NRG3: variants seen among roughly 807,000 people sequenced by gnomAD.
NRG3 encodes neuregulin 3.
A neutral mutation model predicts 66.9 loss-of-function variants in NRG3; 31 were observed. The ratio of observed to expected loss-of-function variants is 0.46; its 90% CI spans 0.35 to 0.63. The LOEUF is 0.63. NRG3 is among the 20% of genes least tolerant of loss of function. The pLI, the probability that NRG3 is intolerant of heterozygous loss-of-function variation, is 0.00. For missense variants in NRG3, 910 were observed against 878.9 expected, an observed-to-expected ratio of 1.04 and a Z score of -0.45; for synonymous variants, 393 against 359.4, an observed-to-expected ratio of 1.09 and a Z score of -1.06.
intron 3 of NRG3, among the ~76,000 whole-genome samples, chr10:82,764,972 C>T (rs2059464042): frequency 5.3e-5 from 8 of 152,046 alleles, no homozygotes; most frequent in African/African-American, 1.9e-4. Flanking sequence ...ATTATACTGC[C>T]TAGAACTCTT....
chr10:82,244,118 A>G (rs1380995650), intron 1 of NRG3, among the ~76,000 whole-genome samples: 1 of 152,228 alleles, frequency 6.6e-6, no homozygotes, highest in Non-Finnish European at 1.5e-5. Context: ...CATTTTACCT[A>G]AAAGTCTAGA....
intron 1 of NRG3, among the ~76,000 whole-genome samples, chr10:82,121,928 A>G (rs182918413): frequency 4.3e-4 from 65 of 152,220 alleles, no homozygotes; most frequent in Non-Finnish European, 7.4e-4. Flanking sequence ...ATGAGCCATC[A>G]TGGCTGTCCT....
At chr10:82,854,692 T>G (rs956291745) in intron 3 of NRG3, among the ~76,000 whole-genome samples, 1 of 152,214 alleles carries the variant, frequency 6.6e-6, no homozygotes, top group Non-Finnish European at 1.5e-5. Context: ...AAAATCATTT[T>G]TTAAAAATGT....
intron 1 of NRG3, among the ~76,000 whole-genome samples, chr10:82,156,903 G>A (rs1454998431): frequency 1.3e-5 from 2 of 151,638 alleles, no homozygotes; most frequent in African/African-American, 4.8e-5. Flanking sequence ...AAACTTCATA[G>A]GAGTTCATAC....
At chr10:82,611,635 A>G (rs1235907713) in intron 2 of NRG3, among the ~76,000 whole-genome samples, 1 of 152,272 alleles carries the variant, frequency 6.6e-6, no homozygotes, top group East Asian at 1.9e-4. Flanking sequence ...TCCATGGTGT[A>G]TATGTGCCAC....
rs1209747459 is a variant in NRG3 at position 82,893,043 on chromosome 10, G to A, written c.1054+27606G>A. Among the ~76,000 whole-genome samples the A allele has an allele frequency of 2.0e-5, 3 of 152,212 alleles. No homozygotes were observed. In the East Asian group the frequency reaches 5.8e-4, roughly 29 times the overall value. ...TGGGATATCTTAGGCACCTTTCATA[G>A]TGATTGATAGATCAAATAAATAATC... On this transcript the variant is annotated intron_variant, in intron 4 of 8. Transcript: ENST00000372141.
chr10:82,252,471 C>T (rs2077528031), intron 1 of NRG3, among the ~76,000 whole-genome samples: 1 of 152,064 alleles, frequency 6.6e-6, no homozygotes, highest in Non-Finnish European at 1.5e-5. Context: ...CTTTCCATGC[C>T]TACTTCTATG....
At chr10:82,829,100 T>C (rs1257637397) in intron 3 of NRG3, among the ~76,000 whole-genome samples, 2 of 152,182 alleles carry the variant, frequency 1.3e-5, no homozygotes, top group African/African-American at 2.4e-5. Flanking sequence ...TTCCTGTTAA[T>C]GGAATTTCAG....
chr10:82,487,319 G>T (rs192174405), intron 2 of NRG3, among the ~76,000 whole-genome samples: 126 of 152,110 alleles, frequency 8.3e-4, no homozygotes, highest in East Asian at 8.1e-3. Flanking sequence ...AAAGGGGATT[G>T]TGGATTCAGT....
At chr10:82,036,746 A>G (rs1263731536) in intron 1 of NRG3, among the ~76,000 whole-genome samples, 1 of 152,090 alleles carries the variant, frequency 6.6e-6, no homozygotes, top group Non-Finnish European at 1.5e-5. Flanking sequence ...CATTGAATAG[A>G]AACTCTCCAT....
intron 2 of NRG3, among the ~76,000 whole-genome samples, chr10:82,638,507 A>G (rs1222481591): frequency 6.6e-6 from 1 of 152,182 alleles, no homozygotes; most frequent in Non-Finnish European, 1.5e-5. Context: ...GGAGGCCGAA[A>G]TGAATTGTGA....
At chr10:82,035,592 A>G (rs564661541) in intron 1 of NRG3, among the ~76,000 whole-genome samples, 24 of 152,242 alleles carry the variant, frequency 1.6e-4, no homozygotes, top group African/African-American at 5.3e-4. Context: ...ATATTTCACC[A>G]TGTATGAATC....
chr10:82,655,246 T>C (rs2051747179), intron 2 of NRG3, among the ~76,000 whole-genome samples: 3 of 152,028 alleles, frequency 2.0e-5, no homozygotes, highest in Admixed American at 2.0e-4. Context: ...TTAAAAATAT[T>C]CTACAGTAAA....
At chr10:81,924,486 G>A (rs1383354383) in intron 1 of NRG3, among the ~76,000 whole-genome samples, 2 of 152,186 alleles carry the variant, frequency 1.3e-5, no homozygotes, top group East Asian at 3.9e-4. Context: ...AAAGATCACA[G>A]GCTATTTTAC....
intron 1 of NRG3, among the ~76,000 whole-genome samples, chr10:81,968,465 G>A (rs1053985289): frequency 1.3e-5 from 2 of 152,296 alleles, no homozygotes; most frequent in South Asian, 2.1e-4. Flanking sequence ...AAAGTGAGAT[G>A]TCACCTCCCT....
intron 1 of NRG3, among the ~76,000 whole-genome samples, chr10:82,032,975 T>G (rs2062636381): frequency 1.3e-5 from 2 of 152,054 alleles, no homozygotes; most frequent in African/African-American, 4.8e-5. Flanking sequence ...ATGACCCTCA[T>G]GCTGATATAA....
intron 2 of NRG3, among the ~76,000 whole-genome samples, chr10:82,540,942 G>A (rs192066132): frequency 1.2e-4 from 18 of 152,260 alleles, no homozygotes; most frequent in Admixed American, 1.2e-3. Flanking sequence ...TCATTAAGGT[G>A]TGTCCTAATC....
chr10:82,715,732 T>C (rs1325288867), intron 2 of NRG3, among the ~76,000 whole-genome samples: 3 of 152,218 alleles, frequency 2.0e-5, no homozygotes, highest in African/African-American at 7.2e-5. Context: ...AAGGTTAAGA[T>C]ATGAACATAC....
chr10:82,439,268 G>T (rs992364514), intron 2 of NRG3, among the ~76,000 whole-genome samples: 1 of 152,026 alleles, frequency 6.6e-6, no homozygotes, highest in Admixed American at 6.6e-5. Flanking sequence ...TATATTAGTT[G>T]TGAAAATAAT....
Sources: gnomAD v4.1 joint callset for allele counts (sites outside exome capture counted in the v4.1 genomes callset) on GRCh38, gnomAD v4.1.1 for gene constraint, MANE v1.5 for transcripts, NCBI Gene and HGNC (gene_info 2026-07-23, HGNC 2026-07-21) for gene names.